The following THEM5 variants were observed in gnomAD, a reference collection of about 807,000 sequenced individuals.
THEM5 encodes the protein acyl-coenzyme A thioesterase THEM5.
Under a neutral mutation model 24.2 loss-of-function variants are expected in THEM5, and 28 were observed. The ratio of observed to expected loss-of-function variants is 1.16; its 90% CI spans 0.86 to 1.59. The LOEUF is 1.59. Among genes scored for constraint, THEM5 ranks in the 40% most tolerant of loss-of-function variants. The pLI, the probability that THEM5 is intolerant of heterozygous loss-of-function variation, is 0.00. For synonymous variants in THEM5, 87 were observed against 114.5 expected (o/e 0.76, Z 1.53); for missense variants, 260 against 296.8 (o/e 0.88, Z 0.91).
Position 151,847,394 on chromosome 1 carries a change from A to C in THEM5, c.721T>G (p.Leu241Val), listed in dbSNP as rs749334518. The change falls in exon 6 of 6, where the codon TTG (leucine) becomes GTG (valine). Residue 241 changes from leucine (L) to valine (V), a missense_variant. Leu to Val is a conservative substitution (Grantham distance 32). Transcript: ENST00000368817. ...TGTTACTGGGGAGACTCTTCTTCCA[A>C]CTGCAGCTGAAGGAAAACACCTGCA... The part of the protein sequence containing the change: ...KSSGVFLQLQ[L>V]EEESPQ 1.2e-6 allele frequency: 2 copies of C among 1,613,952 alleles called. No homozygotes were observed. The highest frequency in any genetic ancestry group is 3.3e-5 in the Admixed American group (2 of 59,998).
In THEM5 at chr1:151,852,316, C is replaced by G; in HGVS notation, c.267G>C (p.Lys89Asn). ...GTCCCCGGATGTGGTCTCTGTTGGA[C>G]TTGAAGGAGGGCAGCTTGATCCAGC... is the stretch of plus-strand genomic sequence containing the variant. ...SSGWIKLPSF[K>N]SNRDHIRGLK... The change falls in exon 2 of 6, where the codon AAG becomes AAC. Residue 89 changes from lysine to asparagine, a missense_variant. Physicochemically the swap from Lys to Asn is moderately conservative, Grantham distance 94. Coordinates refer to ENST00000368817, the MANE Select transcript of THEM5 (RefSeq NM_182578.4). 3.7e-6 allele frequency: 6 copies of G among 1,614,156 alleles called. No homozygotes were observed. The highest frequency in any genetic ancestry group is 5.1e-6 in the Non-Finnish European group (6 of 1,180,028).
chr1:151,851,437 G>C (rs971338575), intron 2 of THEM5, among the ~76,000 whole-genome samples: 1 of 152,156 alleles, frequency 6.6e-6, no homozygotes, highest in African/African-American at 2.4e-5. Flanking sequence ...ATCAGGGCCA[G>C]GGCAAGACTT....
At chr1:151,849,088 C>T (rs1396057664) in intron 3 of THEM5, among the ~76,000 whole-genome samples, 3 of 151,992 alleles carry the variant, frequency 2.0e-5, no homozygotes, top group Non-Finnish European at 4.4e-5. Context: ...GGTGTGGTGG[C>T]AAGCGCCTGT....
Position 151,851,200 on chromosome 1 carries a change from A to G in THEM5, c.326-9T>C. On this transcript the variant is annotated splice_polypyrimidine_tract_variant and intron_variant, in intron 2 of 5. Transcript: ENST00000368817. ...GCGACAGTCACCTTTGTCTGGGGAGAGATAGGCAGTGTTGCAGCCGGAGAA... is the reference window on the plus strand; with the variant it reads ...GCGACAGTCACCTTTGTCTGGGGAGGGATAGGCAGTGTTGCAGCCGGAGAA... The G allele has an allele frequency of 3.7e-6, 6 of 1,614,086 alleles. No homozygotes were observed. The highest frequency in any genetic ancestry group is 5.1e-6 in the Non-Finnish European group (6 of 1,179,990).
intron 3 of THEM5, among the ~76,000 whole-genome samples, chr1:151,848,535 A>G (rs1301451915): frequency 6.6e-6 from 1 of 152,270 alleles, no homozygotes; most frequent in African/African-American, 2.4e-5. Context: ...TTTGCAGCCA[A>G]TGATACAACA....
chr1:151,852,594 A>ATAT, intron 1 of THEM5, 135 bp from the exon 2 acceptor site: 2 of 784,956 alleles, frequency 2.5e-6, no homozygotes, highest in Non-Finnish European at 2.0e-6. Flanking sequence ...TCCAAGGGAA[A>ATAT]GGGCCCATAT....
At chr1:151,852,104 C>T (rs528039684) in intron 2 of THEM5, among the ~76,000 whole-genome samples, 154 bp downstream of exon 2, 3 of 152,222 alleles carry the variant, frequency 2.0e-5, no homozygotes, top group East Asian at 1.9e-4. Flanking sequence ...AGAGGACACC[C>T]GCCGCCTGTT....
Position 151,852,247 on chromosome 1 carries a change from C to A in THEM5, c.325+11G>T. 6.2e-7 allele frequency: 1 copy of A among 1,612,506 alleles called. No individual in the cohort carries two copies. On this transcript the variant is annotated intron_variant, in intron 2 of 5. Transcript: ENST00000368817. The stretch of plus-strand genomic sequence containing the variant: ...CGGCTGGGGTGTGTGTACTCATGGT[C>A]CTGTCCTTACCTGAGGAAACTGCCA...
rs756456239 is a variant in THEM5 at position 151,847,789 on chromosome 1, A to T, written c.649T>A (p.Ser217Thr). The part of the protein sequence containing the change: ...DKIEDQKLYM[S>T]CIAHSRDQQT... ...TGGTCTCTGCTGTGGGCGATGCAGG[A>T]CATGTAAAGCTTCTGGTCCTCAATC... is the stretch of plus-strand genomic sequence containing the variant. The change falls in exon 5 of 6, where the codon TCC becomes ACC. Residue 217 changes from serine (S) to threonine (T), a missense_variant. By Grantham distance (58) the Ser-to-Thr change is moderately conservative. Coordinates refer to ENST00000368817, the MANE Select transcript of THEM5 (RefSeq NM_182578.4). 5.0e-6 allele frequency: 8 copies of T among 1,613,966 alleles called. No homozygotes were observed. The highest frequency in any genetic ancestry group is 6.8e-6 in the Non-Finnish European group (8 of 1,179,984).
chr1:151,847,195 C>A lies in THEM5; in HGVS notation c.*176G>T, dbSNP rs529091966. ...GACCCCTCCCTGCTCTTTGATGGGT[C>A]CCAGGCAGGCAGGGGAGGCAGGAGG... On this transcript the variant is annotated 3_prime_UTR_variant, in exon 6 of 6. Coordinates refer to ENST00000368817, the MANE Select transcript of THEM5 (RefSeq NM_182578.4). 19 of 967,770 alleles carry A rather than the reference C, an allele frequency of 2.0e-5. No homozygotes were observed. In the East Asian group the frequency reaches 3.6e-4, roughly 19 times the overall value. The allele number at this position is 967,770 out of a possible 1,614,324, so 59.9% of individuals were successfully genotyped here. A position where few individuals can be genotyped will look rare whatever the true frequency, so the allele number is the denominator to read the frequency against.
intron 3 of THEM5, 131 bp downstream of exon 3, chr1:151,850,922 G>A: frequency 8.5e-7 from 1 of 1,180,884 alleles, no homozygotes; most frequent in Non-Finnish European, 1.2e-6. Context: ...TGAGGCTGAA[G>A]CCTAGTGCCC....
chr1:151,847,961 C>T (rs925420422), intron 4 of THEM5, 99 bp from the exon 5 acceptor site: 45 of 1,567,146 alleles, frequency 2.9e-5, no homozygotes, highest in African/African-American at 1.1e-4. Context: ...CTCCCGGCCT[C>T]GAGGACTCAG....
chr1:151,848,355 T>C, intron 3 of THEM5, 63 bp from the exon 4 acceptor site: 1 of 1,293,016 alleles, frequency 7.7e-7, no homozygotes, highest in African/African-American at 1.5e-5. Flanking sequence ...ACCCCCTCAA[T>C]GGGCCTTCCC....
rs1005993327 is a variant in THEM5 at position 151,847,600 on chromosome 1, A to G, written c.700+138T>C. ...TCTCCCTTGCTTCATCTGTGTCCCT[A>G]GTAGGTGCCCTATCCCACCCCTAAA... On this transcript the variant is annotated intron_variant, in intron 5 of 5. Transcript: ENST00000368817. The G allele has an allele frequency of 2.6e-5, 35 of 1,360,360 alleles. No individual in the cohort carries two copies. The Admixed American group carries it at 6.4e-4, about 25-fold the overall frequency. The allele number at this position is 1,360,360 out of a possible 1,614,324, so 84.3% of individuals were successfully genotyped here.
At position 151,847,844 on chromosome 1, in the gene THEM5, A is replaced by T; in HGVS notation, c.594T>A (p.Ser198=). ...IRFKNLIPVD[S]LVVMDVELDK... is the part of the protein sequence containing the mutation. ...CCAGTTCTACGTCCATTACAACCAG[A>T]GAGTCCACGGGGATCAAGCTGGGAG... Residue 198 remains serine, a synonymous_variant, in exon 5 of 6, where the codon TCT becomes TCA. Transcript: ENST00000368817. The T allele has an allele frequency of 6.2e-7, 1 of 1,614,080 alleles. No homozygotes were observed. The highest frequency in any genetic ancestry group is 8.5e-7 in the Non-Finnish European group (1 of 1,180,020).
In THEM5 at chr1:151,847,822, G is replaced by C. The variant is rs6587624; in HGVS notation, c.616C>G (p.Leu206Val). ...VDSLVVMDVE[L>V]DKIEDQKLYM... is the part of the protein sequence containing the mutation. ...AGCTTCTGGTCCTCAATCTTGTCCA[G>C]TTCTACGTCCATTACAACCAGAGAG... Residue 206 changes from leucine (L) to valine (V), a missense_variant, in exon 5 of 6, where the codon CTG becomes GTG. Transcript: ENST00000368817. 1 allele frequency: 1,613,105 copies of C among 1,614,146 alleles called. 806,042 individuals carry two copies. The highest frequency in any genetic ancestry group is 1 in the Middle Eastern group (6,054 of 6,054).
intron 2 of THEM5, 151 bp downstream of exon 2, chr1:151,852,107 C>T (rs1274173333): frequency 1.9e-5 from 14 of 738,150 alleles, no homozygotes; most frequent in South Asian, 7.0e-5. Context: ...GGACACCCGC[C>T]GCCTGTTGCC....
Position 151,852,434 on chromosome 1 carries a change from GTCTTC to G in THEM5, c.144_148del (p.Glu48AspfsTer29), listed in dbSNP as rs1446910342. ...GGGAAGAGCATAATCCTTCAAGTCTGTCTTCTCTGGCAAGAATCTTGAGAACTGGG... is the reference window on the plus strand; with the variant it reads ...GGGAAGAGCATAATCCTTCAAGTCTGTCTGGCAAGAATCTTGAGAACTGGG... On this transcript the variant is annotated frameshift_variant, in exon 2 of 6. Coordinates refer to ENST00000368817, the MANE Select transcript of THEM5 (RefSeq NM_182578.4). LOFTEE classifies it high-confidence loss of function. 6.2e-7 allele frequency: 1 copy of G among 1,614,146 alleles called. No individual in the cohort carries two copies. Among genetic ancestry groups the G allele is most frequent in the Non-Finnish European group, 8.5e-7 (1 of 1,180,028 alleles).
chr1:151,850,973 C>T, intron 3 of THEM5, 80 bp downstream of exon 3: 2 of 1,563,492 alleles, frequency 1.3e-6, no homozygotes, highest in Non-Finnish European at 1.7e-6. Context: ...ATAGAGACTC[C>T]AGGGCCAGCC....
Sources: gnomAD v4.1 joint callset for allele counts (sites outside exome capture counted in the v4.1 genomes callset) on GRCh38, gnomAD v4.1.1 for gene constraint, MANE v1.5 for transcripts, NCBI Gene and HGNC (gene_info 2026-07-23, HGNC 2026-07-21) for gene names.